The following ARL15 variants were observed in gnomAD, a reference collection of about 807,000 sequenced individuals.
ARL15 encodes ADP-ribosylation factor-like protein 15.
In ARL15, 19 loss-of-function variants were observed where a neutral mutation model predicts 25.2. That is an observed-to-expected ratio of 0.75 (90% CI 0.53 to 1.10). The LOEUF is 1.10. ARL15 is among the 50% of genes least tolerant of loss of function. ARL15 has a pLI of 0.00. For synonymous variants in ARL15, 94 were observed against 86.8 expected, an observed-to-expected ratio of 1.08 and a Z score of -0.46; for missense variants, 220 against 246.0, an observed-to-expected ratio of 0.89 and a Z score of 0.71.
chr5:53,937,965 A>T lies in ARL15; in HGVS notation c.463-51252T>A, dbSNP rs191124977. On this transcript the variant is annotated intron_variant, in intron 4 of 4. Transcript: ENST00000504924. ...GGGTAAACAATTTCCATGGCCATTCATGTCAACGTCATATCTGTGTTTATA... is the reference window on the plus strand; with the variant it reads ...GGGTAAACAATTTCCATGGCCATTCTTGTCAACGTCATATCTGTGTTTATA... Among the ~76,000 whole-genome samples the T allele has an allele frequency of 4.6e-5, 7 of 152,254 alleles. No individual in the cohort carries two copies. In the East Asian group the frequency reaches 1.4e-3, roughly 29 times the overall value.
At chr5:53,959,927 T>C (rs1747306977) in intron 4 of ARL15, among the ~76,000 whole-genome samples, 1 of 152,076 alleles carries the variant, frequency 6.6e-6, no homozygotes, top group Admixed American at 6.6e-5. Context: ...GACAGGAGCA[T>C]GGCTTGTCCT....
chr5:53,904,734 G>GT (rs1212161873), intron 4 of ARL15, among the ~76,000 whole-genome samples: 1 of 128,028 alleles, frequency 7.8e-6, no homozygotes, highest in Non-Finnish European at 1.6e-5. Flanking sequence ...TTTATTTTTA[G>GT]TTCCTTTTTT....
At chr5:54,042,923 CA>C (rs949074730) in intron 4 of ARL15, among the ~76,000 whole-genome samples, 26 of 149,636 alleles carry the variant, frequency 1.7e-4, no homozygotes, top group African/African-American at 5.1e-4. Context: ...TATATAGGTT[CA>C]AAAAAAAATA....
At chr5:53,918,537 A>G (rs1172572524) in intron 4 of ARL15, among the ~76,000 whole-genome samples, 1 of 152,146 alleles carries the variant, frequency 6.6e-6, no homozygotes, top group Non-Finnish European at 1.5e-5. Flanking sequence ...ATAATAATCT[A>G]AAAATATTTA....
intron 1 of ARL15, among the ~76,000 whole-genome samples, chr5:54,190,411 A>T (rs1245426241): frequency 1.3e-5 from 2 of 151,958 alleles, no homozygotes; most frequent in Non-Finnish European, 2.9e-5. Flanking sequence ...AAAAAAAATT[A>T]CAGTGAGATA....
intron 1 of ARL15, among the ~76,000 whole-genome samples, chr5:54,189,938 T>C (rs1755348251): frequency 6.6e-6 from 1 of 152,204 alleles, no homozygotes; most frequent in Non-Finnish European, 1.5e-5. Flanking sequence ...GATCAATGTC[T>C]GGAATATGTA....
intron 1 of ARL15, among the ~76,000 whole-genome samples, chr5:54,259,670 A>G (rs898212998): frequency 1.3e-5 from 2 of 152,206 alleles, no homozygotes; most frequent in Non-Finnish European, 2.9e-5. Flanking sequence ...GTAAATGACT[A>G]CAATAACTCT....
intron 1 of ARL15, among the ~76,000 whole-genome samples, chr5:54,206,816 AC>A (rs1383898717): frequency 6.6e-6 from 1 of 152,224 alleles, no homozygotes; most frequent in Non-Finnish European, 1.5e-5. Flanking sequence ...TTATCAACAC[AC>A]CTAAACCAGA....
At position 53,895,411 on chromosome 5, in the gene ARL15, G is replaced by A. The variant is rs568345371; in HGVS notation, c.463-8698C>T. ...TCTGTGTTTAGCCTGTGTTTCTTTC[G>A]TGTATGTAGAGACTTGCTAAGACCA... On this transcript the variant is annotated intron_variant, in intron 4 of 4. Transcript: ENST00000504924. Among the ~76,000 whole-genome samples the A allele has an allele frequency of 2.5e-4, 38 of 152,178 alleles. No homozygotes were observed. In the South Asian group the frequency reaches 6.2e-3, roughly 25 times the overall value.
At chr5:54,221,572 C>T (rs895752975) in intron 1 of ARL15, among the ~76,000 whole-genome samples, 1 of 151,938 alleles carries the variant, frequency 6.6e-6, no homozygotes, top group Non-Finnish European at 1.5e-5. Flanking sequence ...CACACACACA[C>T]TTCATACATA....
intron 1 of ARL15, among the ~76,000 whole-genome samples, chr5:54,225,259 G>A (rs191100792): frequency 6.6e-4 from 100 of 152,246 alleles, no homozygotes; most frequent in African/African-American, 2.3e-3. Context: ...CAGAGGGACC[G>A]CAGCAGAAAA....
At chr5:54,051,476 G>T (rs1428130911) in intron 4 of ARL15, among the ~76,000 whole-genome samples, 3 of 152,118 alleles carry the variant, frequency 2.0e-5, no homozygotes. Flanking sequence ...AATATAAATT[G>T]CAGAGCCTAA....
chr5:53,983,933 G>A (rs1331826697), intron 4 of ARL15, among the ~76,000 whole-genome samples: 1 of 152,146 alleles, frequency 6.6e-6, no homozygotes, highest in African/African-American at 2.4e-5. Flanking sequence ...CACTCCCGCA[G>A]TCGTCTCCCC....
intron 1 of ARL15, among the ~76,000 whole-genome samples, chr5:54,251,235 A>G (rs1757229169): frequency 6.6e-6 from 1 of 152,182 alleles, no homozygotes; most frequent in Non-Finnish European, 1.5e-5. Context: ...ACACTGCAAA[A>G]TTCTAAGGTG....
chr5:53,887,312 AC>A lies in ARL15; in HGVS notation c.463-600del, dbSNP rs1744562561. ...CATGTATGTATGTTTGTATGCATAT[AC>A]ACACTTACATAAATTTACATATATG... is the stretch of plus-strand genomic sequence containing the variant. On this transcript the variant is annotated intron_variant, in intron 4 of 4. Transcript: ENST00000504924. The A allele has an allele frequency of 1.0e-5, 7 of 696,976 alleles. No homozygotes were observed. The East Asian group carries it at 1.9e-4, about 19-fold the overall frequency. The allele number at this position is 696,976 out of a possible 1,614,324, so 43.2% of individuals were successfully genotyped here. A position where few individuals can be genotyped will look rare whatever the true frequency, so the allele number is the denominator to read the frequency against.
intron 4 of ARL15, among the ~76,000 whole-genome samples, chr5:54,106,796 C>T (rs1045360612): frequency 6.6e-6 from 1 of 151,862 alleles, no homozygotes; most frequent in Non-Finnish European, 1.5e-5. Flanking sequence ...GCCGTAATTC[C>T]TGTCCTTCAA....
intron 4 of ARL15, among the ~76,000 whole-genome samples, chr5:54,076,468 T>C (rs1020545888): frequency 9.3e-6 from 1 of 107,854 alleles, no homozygotes; most frequent in Admixed American, 1.0e-4. Context: ...CAGGATAGTA[T>C]AGCAGTAATT....
intron 1 of ARL15, among the ~76,000 whole-genome samples, chr5:54,275,503 TC>T (rs1411850425): frequency 6.6e-6 from 1 of 152,020 alleles, no homozygotes; most frequent in African/African-American, 2.4e-5. Flanking sequence ...ACTTTCCCTT[TC>T]CCACAGAATA....
At chr5:54,267,918 A>G (rs1266489547) in intron 1 of ARL15, among the ~76,000 whole-genome samples, 1 of 151,256 alleles carries the variant, frequency 6.6e-6, no homozygotes, top group Non-Finnish European at 1.5e-5. Context: ...CTTCATTTCA[A>G]CTTTGGTGAA....
Sources: gnomAD v4.1 joint callset for allele counts (sites outside exome capture counted in the v4.1 genomes callset) on GRCh38, gnomAD v4.1.1 for gene constraint, MANE v1.5 for transcripts, NCBI Gene and HGNC (gene_info 2026-07-23, HGNC 2026-07-21) for gene names.